ADAMTS12: variants seen among roughly 807,000 people sequenced by gnomAD.
ADAMTS12 encodes the protein A disintegrin and metalloproteinase with thrombospondin motifs 12.
A neutral mutation model predicts 167.8 loss-of-function variants in ADAMTS12; 118 were observed. That is an observed-to-expected ratio of 0.70 (90% CI 0.61 to 0.82). ADAMTS12 has a LOEUF of 0.82. ADAMTS12 is among the 40% of genes least tolerant of loss of function. The pLI is 0.00. For synonymous variants in ADAMTS12, 704 were observed against 716.9 expected (o/e 0.98, Z 0.29); for missense variants, 1,916 against 1,998.8 (o/e 0.96, Z 0.79).
At chr5:33,609,708 G>T (rs1379106717) in intron 16 of ADAMTS12, among the ~76,000 whole-genome samples, 4 of 152,162 alleles carry the variant, frequency 2.6e-5, no homozygotes, top group African/African-American at 9.7e-5. Flanking sequence ...ACAAGGCAAA[G>T]ACTAGAACAG....
chr5:33,700,681 G>A (rs973340377), intron 3 of ADAMTS12, among the ~76,000 whole-genome samples: 7 of 152,092 alleles, frequency 4.6e-5, no homozygotes, highest in African/African-American at 7.2e-5. Flanking sequence ...GCACACACAC[G>A]TACAAGTAAA....
At chr5:33,730,015 C>T (rs1441913710) in intron 3 of ADAMTS12, among the ~76,000 whole-genome samples, 1 of 152,110 alleles carries the variant, frequency 6.6e-6, no homozygotes, top group Non-Finnish European at 1.5e-5. Flanking sequence ...TCCAAAAGTT[C>T]CATTCTGGAG....
At chr5:33,644,815 C>T (rs942243058) in intron 9 of ADAMTS12, among the ~76,000 whole-genome samples, 15 of 151,762 alleles carry the variant, frequency 9.9e-5, no homozygotes, top group Non-Finnish European at 5.9e-5. Context: ...ACTGCAAGCT[C>T]TGCCTCCTGG....
intron 3 of ADAMTS12, among the ~76,000 whole-genome samples, chr5:33,720,363 T>A (rs977230): frequency 0.034 from 5,213 of 151,822 alleles, 255 homozygotes; most frequent in East Asian, 0.15. Context: ...ATTAAGTATT[T>A]TATTCTGGAT....
chr5:33,870,786 G>T (rs955873687), intron 2 of ADAMTS12, among the ~76,000 whole-genome samples: 2 of 152,122 alleles, frequency 1.3e-5, no homozygotes, highest in African/African-American at 4.8e-5. Flanking sequence ...ATGAGATCTG[G>T]TTGTTTAAAA....
Position 33,534,920 on chromosome 5 carries a change from C to T in ADAMTS12, c.4519G>A (p.Glu1507Lys). ...QCVPSEGNKT[E>K]DQDQCLCDHK... ...TCACATAGACATTGGTCTTGGTCTT[C>T]AGTTTTATTGCCCTCTGAGGGCACA... Residue 1507 changes from glutamate (E) to lysine (K), a missense_variant, in exon 23 of 24, where the codon GAA becomes AAA. By Grantham distance (56) the Glu-to-Lys change is moderately conservative. Transcript: ENST00000504830. 1 of 1,614,060 alleles carries T rather than the reference C, an allele frequency of 6.2e-7. No individual in the cohort carries two copies.
intron 19 of ADAMTS12, among the ~76,000 whole-genome samples, chr5:33,570,399 C>G (rs1337846444): frequency 6.6e-6 from 1 of 152,078 alleles, no homozygotes; most frequent in Non-Finnish European, 1.5e-5. Flanking sequence ...GTGGATCTCT[C>G]GGCAGAAACT....
chr5:33,763,106 AAAGC>A (rs1168911254), intron 2 of ADAMTS12, among the ~76,000 whole-genome samples: 12 of 152,204 alleles, frequency 7.9e-5, no homozygotes. Context: ...CAGAATTTGT[AAAGC>A]AAGCCTGGTG....
intron 7 of ADAMTS12, 78 bp from the exon 8 acceptor site, chr5:33,649,775 A>T (rs1025594437): frequency 1.3e-6 from 2 of 1,555,492 alleles, no homozygotes; most frequent in Non-Finnish European, 1.7e-6. Context: ...TTTCCCTAAG[A>T]GCGTAATAAC....
chr5:33,564,394 CTTGA>C (rs1489620888), intron 19 of ADAMTS12, among the ~76,000 whole-genome samples: 1 of 152,146 alleles, frequency 6.6e-6, no homozygotes, highest in Non-Finnish European at 1.5e-5. Context: ...GTTTTGAAAG[CTTGA>C]TTATGTAAGC....
chr5:33,666,541 G>A (rs968299233), intron 5 of ADAMTS12, among the ~76,000 whole-genome samples: 1 of 151,724 alleles, frequency 6.6e-6, no homozygotes, highest in South Asian at 2.1e-4. Context: ...TTGCCAGGCT[G>A]GAGTGCAGTA....
intron 5 of ADAMTS12, among the ~76,000 whole-genome samples, chr5:33,670,271 T>A (rs1579819461): frequency 6.6e-6 from 1 of 152,160 alleles, no homozygotes; most frequent in East Asian, 1.9e-4. Context: ...TATCAGGGAA[T>A]TGCAAGTTAA....
intron 2 of ADAMTS12, among the ~76,000 whole-genome samples, chr5:33,836,058 G>A (rs745395050): frequency 3.3e-5 from 5 of 151,998 alleles, no homozygotes; most frequent in African/African-American, 1.2e-4. Context: ...ATGTTACTGG[G>A]TTTGTTTTTG....
In ADAMTS12 at chr5:33,615,415, G is replaced by A. The variant is rs183559230; in HGVS notation, c.2388+413C>T. 4.2e-3 allele frequency among the ~76,000 whole-genome samples: 644 copies of A among 152,278 alleles called. 11 individuals are homozygous for A. The highest frequency in any genetic ancestry group is 0.01 in the Middle Eastern group (3 of 294). ...CTTGGACCTTTGAAGAGCACATGTTGTATTCTAACTCCTCCTTCCAGCAAG... is the reference window on the plus strand; with the variant it reads ...CTTGGACCTTTGAAGAGCACATGTTATATTCTAACTCCTCCTTCCAGCAAG... On this transcript the variant is annotated intron_variant, in intron 15 of 23. Coordinates refer to ENST00000504830, the MANE Select transcript of ADAMTS12 (RefSeq NM_030955.4).
chr5:33,544,776 TA>T (rs1363123780), intron 22 of ADAMTS12, among the ~76,000 whole-genome samples: 5 of 152,222 alleles, frequency 3.3e-5, no homozygotes, highest in African/African-American at 1.2e-4. Context: ...ATTCCCTATT[TA>T]ATAAATGGTG....
chr5:33,672,709 G>C (rs1245929906), intron 5 of ADAMTS12, among the ~76,000 whole-genome samples: 1 of 152,196 alleles, frequency 6.6e-6, no homozygotes, highest in Non-Finnish European at 1.5e-5. Flanking sequence ...CCACATTCCT[G>C]AACCAAATTC....
intron 8 of ADAMTS12, 63 bp from the exon 9 acceptor site, chr5:33,649,029 A>G: frequency 6.3e-7 from 1 of 1,579,466 alleles, no homozygotes; most frequent in Non-Finnish European, 8.6e-7. Flanking sequence ...TCAGCCTTTC[A>G]TTCAACAGAA....
chr5:33,745,209 C>G (rs1744736817), intron 3 of ADAMTS12, among the ~76,000 whole-genome samples: 1 of 152,092 alleles, frequency 6.6e-6, no homozygotes, highest in African/African-American at 2.4e-5. Context: ...GAGGCTCTCT[C>G]AGGCCTTTGC....
intron 2 of ADAMTS12, among the ~76,000 whole-genome samples, chr5:33,827,712 TAGATAGATAG>T (rs1748137403): frequency 1.6e-4 from 3 of 18,782 alleles, no homozygotes; most frequent in Non-Finnish European, 2.8e-4. Context: ...GAAAACAAAA[TAGATAGATAG>T]ATAGATAGAT....
Sources: allele counts gnomAD v4.1 joint callset (sites outside exome capture counted in the v4.1 genomes callset), GRCh38; gene constraint gnomAD v4.1.1; transcripts MANE v1.5; gene names NCBI Gene and HGNC (gene_info 2026-07-23, HGNC 2026-07-21).